PRDM16: variants seen among roughly 807,000 people sequenced by gnomAD.
The protein encoded by PRDM16 is histone-lysine N-methyltransferase PRDM16.
In PRDM16, 23 loss-of-function variants were observed where a neutral mutation model predicts 110.6. The observed-to-expected ratio is 0.21, with a 90% confidence interval of 0.15 to 0.29. PRDM16 has a LOEUF of 0.29. Among genes scored for constraint, PRDM16 ranks in the 10% least tolerant of loss-of-function variants. The pLI is 1.00. For synonymous variants in PRDM16, 799 were observed against 781.8 expected, an observed-to-expected ratio of 1.02 and a Z score of -0.37; for missense variants, 1,615 against 1,794.3, an observed-to-expected ratio of 0.90 and a Z score of 1.81.
At position 3,081,580 on chromosome 1, in the gene PRDM16, G is replaced by A. The variant is rs893216896; in HGVS notation, c.37+12284G>A. ...GCTTGGCATCACCTACAGGGATGGCGGCGGCCAGGGTTGGTCTTCCTTCTG... is the reference window on the plus strand; with the variant it reads ...GCTTGGCATCACCTACAGGGATGGCAGCGGCCAGGGTTGGTCTTCCTTCTG... On this transcript the variant is annotated intron_variant, in intron 1 of 16. Transcript: ENST00000270722. This position sits in a 1 kb window ranked among gnomAD's most constrained non-coding sequence, Gnocchi z 4.6. 2.6e-5 allele frequency among the ~76,000 whole-genome samples: 4 copies of A among 152,180 alleles called. No homozygotes were observed. The highest frequency in any genetic ancestry group is 9.7e-5 in the African/African-American group (4 of 41,436).
At chr1:3,108,120 C>G (rs1642708752) in intron 1 of PRDM16, among the ~76,000 whole-genome samples, 1 of 152,246 alleles carries the variant, frequency 6.6e-6, no homozygotes, top group East Asian at 1.9e-4. Context: ...CTGCAGCACA[C>G]AGAGTGTGAA....
chr1:3,073,457 G>C (rs1273375482), intron 1 of PRDM16, among the ~76,000 whole-genome samples: 1 of 152,260 alleles, frequency 6.6e-6, no homozygotes, highest in Non-Finnish European at 1.5e-5. Context: ...ATCAGGTTTT[G>C]AATCAAACCC....
At chr1:3,200,871 C>CG (rs1557524661) in intron 2 of PRDM16, among the ~76,000 whole-genome samples, 2 of 151,750 alleles carry the variant, frequency 1.3e-5, no homozygotes, top group African/African-American at 4.8e-5. Context: ...GACCTGACCA[C>CG]GGGCACAGAA....
chr1:3,172,228 A>G (rs935028634), intron 1 of PRDM16, among the ~76,000 whole-genome samples: 26 of 152,194 alleles, frequency 1.7e-4, no homozygotes, highest in African/African-American at 5.8e-4. Flanking sequence ...TGCCTGTTTT[A>G]CAGAGGAGGA....
At chr1:3,402,381 C>T (rs541843027) in intron 5 of PRDM16, among the ~76,000 whole-genome samples, 18 of 152,374 alleles carry the variant, frequency 1.2e-4, no homozygotes, top group African/African-American at 4.8e-5. Flanking sequence ...TTGACCTTGA[C>T]GACAATAATT....
intron 2 of PRDM16, among the ~76,000 whole-genome samples, chr1:3,188,820 GGAGA>G (rs1638218882): frequency 6.6e-6 from 1 of 152,190 alleles, no homozygotes. Flanking sequence ...CCTCTGAGAA[GGAGA>G]GAGAGGAGGA....
intron 1 of PRDM16, among the ~76,000 whole-genome samples, chr1:3,123,826 G>A (rs1459534359): frequency 2.6e-5 from 4 of 152,390 alleles, no homozygotes; most frequent in Non-Finnish European, 4.4e-5. Flanking sequence ...GATGAGCTGC[G>A]GGGTCTGGGG....
In PRDM16 at chr1:3,069,459, G is replaced by A. The variant is rs1213039278; in HGVS notation, c.37+163G>A. ...GGGGCTGCTCCGCCTCCCGCGCTCC[G>A]GGGCGACCGGGCTCGGCGCGGAGGC... On this transcript the variant is annotated intron_variant, in intron 1 of 16. Coordinates refer to ENST00000270722, the MANE Select transcript of PRDM16 (RefSeq NM_022114.4). The surrounding 1 kb of genome is among the most constrained non-coding windows in gnomAD (Gnocchi z 6.1). Among the ~76,000 whole-genome samples the A allele has an allele frequency of 1.4e-5, 2 of 142,160 alleles. No individual in the cohort carries two copies. Among genetic ancestry groups the A allele is most frequent in the Non-Finnish European group, 3.1e-5 (2 of 64,672 alleles). 93.3% of individuals were successfully genotyped at this position (142,160 alleles called of 152,430 possible).
intron 3 of PRDM16, among the ~76,000 whole-genome samples, chr1:3,288,633 CA>C (rs1165083758): frequency 1.3e-5 from 2 of 152,142 alleles, no homozygotes; most frequent in East Asian, 3.9e-4. Flanking sequence ...CACCACCACC[CA>C]TAGCCCCTCC....
intron 12 of PRDM16, among the ~76,000 whole-genome samples, chr1:3,424,320 C>A (rs1346600548): frequency 6.6e-6 from 1 of 152,260 alleles, no homozygotes; most frequent in Admixed American, 6.5e-5. Context: ...CCTTTCCCTG[C>A]CTGCAGGGTC....
At chr1:3,401,195 C>A (rs552345190) in intron 5 of PRDM16, among the ~76,000 whole-genome samples, 1 of 152,304 alleles carries the variant, frequency 6.6e-6, no homozygotes, top group Admixed American at 6.5e-5. Context: ...CCTGCACTGC[C>A]CAGACTGCAA....
At chr1:3,271,089 A>G (rs999646140) in intron 3 of PRDM16, among the ~76,000 whole-genome samples, 2 of 152,180 alleles carry the variant, frequency 1.3e-5, no homozygotes, top group African/African-American at 2.4e-5. Flanking sequence ...CGCCACGTGC[A>G]TGCAGGGGAT....
At chr1:3,169,922 G>A (rs558336416) in intron 1 of PRDM16, among the ~76,000 whole-genome samples, 13 of 152,234 alleles carry the variant, frequency 8.5e-5, no homozygotes, top group Admixed American at 2.6e-4. Context: ...CCTAATGACC[G>A]CGGCCCGCGC....
chr1:3,435,668 A>G lies in PRDM16; in HGVS notation c.*1857A>G, dbSNP rs1331078664. 8.6e-6 allele frequency: 2 copies of G among 232,408 alleles called. No homozygotes were observed. Among genetic ancestry groups the G allele is most frequent in the Non-Finnish European group, 1.7e-5 (2 of 117,704 alleles). The allele number at this position is 232,408 out of a possible 1,614,324, so 14.4% of individuals were successfully genotyped here. On this transcript the variant is annotated 3_prime_UTR_variant, in exon 17 of 17. Transcript: ENST00000270722. The stretch of plus-strand genomic sequence containing the variant: ...TGGTGTGGGTTTGTGTCACGTGTGG[A>G]CATCTCCTCAGGCTTTGTGTCACGC...
intron 2 of PRDM16, among the ~76,000 whole-genome samples, chr1:3,225,563 T>C (rs59610338): frequency 0.028 from 3,458 of 123,172 alleles, 138 homozygotes; most frequent in African/African-American, 0.12. Context: ...TGTGTGTGTG[T>C]GTGTGTGTGT....
chr1:3,181,092 A>G (rs1482857089), intron 1 of PRDM16, among the ~76,000 whole-genome samples: 3 of 142,592 alleles, frequency 2.1e-5, no homozygotes, highest in African/African-American at 7.9e-5. Context: ...ACACGGCCTT[A>G]CACACGCAGT....
rs1639791584 is a variant in PRDM16, at chr1:3,246,420, C to T, written c.438+2283C>T. Among the ~76,000 whole-genome samples the T allele has an allele frequency of 6.6e-6, 1 of 152,166 alleles. No homozygotes were observed. The highest frequency in any genetic ancestry group is 2.4e-5 in the African/African-American group (1 of 41,448). On this transcript the variant is annotated intron_variant, in intron 3 of 16. Transcript: ENST00000270722. The surrounding 1 kb of genome is among the most constrained non-coding windows in gnomAD (Gnocchi z 5.2). Reference sequence around the variant, plus strand: ...TCAGAGCAGACCCGATGCACGAGACCCCCCACGGCACCGCCGCGACTGCAG... The same window carrying T: ...TCAGAGCAGACCCGATGCACGAGACTCCCCACGGCACCGCCGCGACTGCAG...
intron 3 of PRDM16, among the ~76,000 whole-genome samples, chr1:3,334,049 C>T (rs181100668): frequency 1.3e-5 from 2 of 152,338 alleles, no homozygotes; most frequent in African/African-American, 4.8e-5. Context: ...GCATAACACA[C>T]GTAAAGTGCA....
Position 3,209,260 on chromosome 1 carries a change from C to A in PRDM16, c.387+22786C>A, listed in dbSNP as rs1356358193. Among the ~76,000 whole-genome samples, 1 of 152,216 alleles carries A rather than the reference C, an allele frequency of 6.6e-6. No homozygotes were observed. The highest frequency in any genetic ancestry group is 6.5e-5 in the Admixed American group (1 of 15,292). On this transcript the variant is annotated intron_variant, in intron 2 of 16. Coordinates refer to ENST00000270722, the MANE Select transcript of PRDM16 (RefSeq NM_022114.4). The surrounding 1 kb of genome is among the most constrained non-coding windows in gnomAD (Gnocchi z 4.6). ...AAGAAGAGAAGGACAGGAAATAAATCTCAGAGTGGGATTTACTAAGCACGG... is the reference window on the plus strand; with the variant it reads ...AAGAAGAGAAGGACAGGAAATAAATATCAGAGTGGGATTTACTAAGCACGG...
Sources: allele counts gnomAD v4.1 joint callset (sites outside exome capture counted in the v4.1 genomes callset), GRCh38; gene constraint gnomAD v4.1.1; non-coding constraint Gnocchi (gnomAD v3.1); transcripts MANE v1.5; gene names NCBI Gene and HGNC (gene_info 2026-07-23, HGNC 2026-07-21).